SNAP23: variants seen among roughly 807,000 people sequenced by gnomAD.
SNAP23 encodes synaptosomal-associated protein 23.
In SNAP23, 11 loss-of-function variants were observed where a neutral mutation model predicts 29.0. The ratio of observed to expected loss-of-function variants is 0.38; its 90% CI spans 0.24 to 0.63. The LOEUF (loss-of-function observed/expected upper bound fraction) is 0.63. SNAP23 is among the 20% of genes least tolerant of loss of function. SNAP23 has a pLI of 0.58. For synonymous variants in SNAP23, 60 were observed against 82.9 expected, an observed-to-expected ratio of 0.72 and a Z score of 1.50; for missense variants, 220 against 253.9, an observed-to-expected ratio of 0.87 and a Z score of 0.91.
intron 1 of SNAP23, among the ~76,000 whole-genome samples, chr15:42,496,643 G>C (rs1391868313): frequency 6.6e-6 from 1 of 152,066 alleles, no homozygotes; most frequent in Non-Finnish European, 1.5e-5. Flanking sequence ...CTTGAACCTG[G>C]GAAACAGAGG....
chr15:42,512,948 T>C lies in SNAP23; in HGVS notation c.58-7T>C. On this transcript the variant is annotated splice_region_variant and splice_polypyrimidine_tract_variant and intron_variant, in intron 2 of 7. Transcript: ENST00000249647. ...TTGGAATGCTAAAATTCTGTGTTCT[T>C]TCCTAGTCTCTGGAAAGTACGAGGA... The C allele has an allele frequency of 6.2e-7, 1 of 1,608,612 alleles. No homozygotes were observed. The highest frequency in any genetic ancestry group is 8.5e-7 in the Non-Finnish European group (1 of 1,175,330).
chr15:42,528,429 ACTC>A lies in SNAP23; in HGVS notation c.425+15_425+17del, dbSNP rs778769026. On this transcript the variant is annotated intron_variant, in intron 6 of 7. Transcript: ENST00000249647. Reference sequence around the variant, plus strand: ...GGTGGATACATTAAACGGTATGCCAACTCCTCCTGATATTCCTGTACCTTTCTT... The same window carrying A: ...GGTGGATACATTAAACGGTATGCCAACTCCTGATATTCCTGTACCTTTCTT... 1.9e-6 allele frequency: 3 copies of A among 1,613,570 alleles called. No individual in the cohort carries two copies. The highest frequency in any genetic ancestry group is 1.7e-6 in the Non-Finnish European group (2 of 1,179,704).
At chr15:42,511,467 A>G (rs1444286066) in intron 1 of SNAP23, among the ~76,000 whole-genome samples, 1 of 152,212 alleles carries the variant, frequency 6.6e-6, no homozygotes, top group Non-Finnish European at 1.5e-5. Flanking sequence ...TTCCATGTTC[A>G]GACAACACAT....
At chr15:42,515,137 G>T in intron 4 of SNAP23, 100 bp from the exon 5 acceptor site, 1 of 693,162 alleles carries the variant, frequency 1.4e-6, no homozygotes, top group Non-Finnish European at 2.5e-6. Flanking sequence ...GGGAGTTATT[G>T]GTAGATTCAA....
chr15:42,507,983 C>T (rs1567043475), intron 1 of SNAP23, among the ~76,000 whole-genome samples: 1 of 152,036 alleles, frequency 6.6e-6, no homozygotes, highest in African/African-American at 2.4e-5. Flanking sequence ...CAGCCAGGTA[C>T]GGTAGCTCAT....
At position 42,511,851 on chromosome 15, in the gene SNAP23, A is replaced by G; in HGVS notation, c.5A>G (p.Asp2Gly). The G allele has an allele frequency of 6.3e-7, 1 of 1,588,282 alleles. No homozygotes were observed. Residue 2 changes from aspartate to glycine, a missense_variant, in exon 2 of 8, where the codon GAT becomes GGT. Coordinates refer to ENST00000249647, the MANE Select transcript of SNAP23 (RefSeq NM_003825.4). M[D>G]NLSSEEIQQR... ...CTAATAGAGTTTTGATTCATCATGG[A>G]TAATCTGTCATCAGAAGAAATTCAA...
At chr15:42,494,395 C>CT (rs775698216), upstream of SNAP23, among the ~76,000 whole-genome samples, 569 of 133,966 alleles carry the variant, frequency 4.2e-3, 6 homozygotes, top group South Asian at 0.023. Context: ...CCTTGAAGCA[C>CT]TTTTTTTTTT....
intron 5 of SNAP23, among the ~76,000 whole-genome samples, chr15:42,524,053 C>T (rs1038831392): frequency 1.3e-5 from 2 of 151,640 alleles, no homozygotes; most frequent in African/African-American, 4.8e-5. Flanking sequence ...CCTGACCTCA[C>T]GATCCACCCA....
intron 1 of SNAP23, 70 bp downstream of exon 1, chr15:42,495,783 G>C (rs1230601923): frequency 6.6e-6 from 1 of 152,520 alleles, no homozygotes; most frequent in East Asian, 1.9e-4. Context: ...TGAGAAGAAA[G>C]AGTGTATCGT....
chr15:42,521,413 G>T (rs984949602), intron 5 of SNAP23: 2 of 966,854 alleles, frequency 2.1e-6, no homozygotes, highest in Non-Finnish European at 1.2e-6. Context: ...ATGTGCTCTG[G>T]TTTAAATAGT....
upstream of SNAP23, among the ~76,000 whole-genome samples, chr15:42,491,901 T>TTTAGTTAGTTAGTTAGTTAG (rs11281244): frequency 2.3e-4 from 34 of 146,980 alleles, no homozygotes; most frequent in African/African-American, 6.1e-4. Flanking sequence ...TATTTATTTA[T>TTTAGTTAGTTAGTTAGTTAG]TTAGTTAGTT....
At chr15:42,513,513 C>A in intron 4 of SNAP23, 66 bp downstream of exon 4, 3 of 1,320,082 alleles carry the variant, frequency 2.3e-6, no homozygotes, top group Non-Finnish European at 3.3e-6. Flanking sequence ...ATCAAATTAG[C>A]CACATACAAA....
chr15:42,527,424 CA>C (rs2141555314), intron 5 of SNAP23, among the ~76,000 whole-genome samples: 1 of 151,530 alleles, frequency 6.6e-6, no homozygotes, highest in East Asian at 2.0e-4. Flanking sequence ...CTCACTCTGT[CA>C]CCCAGGCTGG....
chr15:42,493,143 A>T (rs1251149971), upstream of SNAP23, among the ~76,000 whole-genome samples: 1 of 152,078 alleles, frequency 6.6e-6, no homozygotes, highest in Non-Finnish European at 1.5e-5. Flanking sequence ...GGAGTTTGAG[A>T]CCAGCCTGGG....
Position 42,531,804 on chromosome 15 carries a change from G to A in SNAP23, c.*326G>A, listed in dbSNP as rs1595534027. 2.6e-5 allele frequency: 5 copies of A among 193,750 alleles called. No homozygotes were observed. In the East Asian group the frequency reaches 5.9e-4, roughly 23 times the overall value. 12.0% of individuals were successfully genotyped at this position (193,750 alleles called of 1,614,324 possible). On this transcript the variant is annotated 3_prime_UTR_variant, in exon 8 of 8. Transcript: ENST00000249647. Reference sequence around the variant, plus strand: ...TGGAAGCATTGCCAAAGACAGCCATGAAGAAGGAAGCTGTAGAGGTGTTTT... The same window carrying A: ...TGGAAGCATTGCCAAAGACAGCCATAAAGAAGGAAGCTGTAGAGGTGTTTT...
chr15:42,506,463 A>G lies in SNAP23; in HGVS notation c.-14-5370A>G, dbSNP rs532360668. 2.6e-5 allele frequency among the ~76,000 whole-genome samples: 4 copies of G among 152,278 alleles called. No individual in the cohort carries two copies. In the East Asian group the frequency reaches 5.8e-4, roughly 22 times the overall value. On this transcript the variant is annotated intron_variant, in intron 1 of 7. Transcript: ENST00000249647. Reference sequence around the variant, plus strand: ...GTTGTGTTGCCTAGGCTGGTCTCAAACTAGCCTCAAGCCGTTTTCCTACCT... The same window carrying G: ...GTTGTGTTGCCTAGGCTGGTCTCAAGCTAGCCTCAAGCCGTTTTCCTACCT...
At chr15:42,527,330 A>C (rs989449172) in intron 5 of SNAP23, among the ~76,000 whole-genome samples, 1 of 152,142 alleles carries the variant, frequency 6.6e-6, no homozygotes, top group Non-Finnish European at 1.5e-5. Context: ...GGAAAATTCT[A>C]ATAAAAACTG....
intron 1 of SNAP23, among the ~76,000 whole-genome samples, chr15:42,500,961 G>A (rs2057264660): frequency 6.6e-6 from 1 of 152,092 alleles, no homozygotes; most frequent in Non-Finnish European, 1.5e-5. Flanking sequence ...CTTTCTGTAA[G>A]TTCTGTAACT....
At chr15:42,526,770 C>T (rs550602369) in intron 5 of SNAP23, among the ~76,000 whole-genome samples, 11 of 151,612 alleles carry the variant, frequency 7.3e-5, no homozygotes, top group African/African-American at 2.2e-4. Flanking sequence ...GTCACTTTTC[C>T]GTAACAGCCA....
Sources: gnomAD v4.1 joint callset for allele counts (sites outside exome capture counted in the v4.1 genomes callset) on GRCh38, gnomAD v4.1.1 for gene constraint, MANE v1.5 for transcripts, NCBI Gene and HGNC (gene_info 2026-07-23, HGNC 2026-07-21) for gene names.